Variants in PCDHA10 observed in about 807,000 individuals in gnomAD.
PCDHA10 encodes the protein protocadherin alpha 10, also known as protocadherin alpha-10.
PCDHA10 carries 45 observed loss-of-function variants against 61.2 expected under a neutral mutation model. The ratio of observed to expected loss-of-function variants is 0.74; its 90% CI spans 0.58 to 0.94. The LOEUF (loss-of-function observed/expected upper bound fraction) is 0.94, where lower values mean the gene tolerates loss of function less well. Ranked by LOEUF, PCDHA10 falls within the 40% of genes least tolerant of loss-of-function variation. The pLI is 0.00. For synonymous variants in PCDHA10, 602 were observed against 548.8 expected, an observed-to-expected ratio of 1.10 and a Z score of -1.35; for missense variants, 1,278 against 1,236.2, an observed-to-expected ratio of 1.03 and a Z score of -0.51.
intron 3 of PCDHA10, among the ~76,000 whole-genome samples, chr5:140,993,009 G>C (rs1228975075): frequency 3.9e-5 from 6 of 152,172 alleles, no homozygotes; most frequent in Non-Finnish European, 8.8e-5. Flanking sequence ...CCTCCCCAGA[G>C]TCCAGCATCC....
chr5:140,970,752 T>A (rs1324041619), intron 1 of PCDHA10, among the ~76,000 whole-genome samples: 1 of 152,244 alleles, frequency 6.6e-6, no homozygotes, highest in Non-Finnish European at 1.5e-5. Context: ...CAATATATTT[T>A]CATTGACATA....
At chr5:140,887,039 T>G (rs1396033565) in intron 1 of PCDHA10, among the ~76,000 whole-genome samples, 2 of 152,156 alleles carry the variant, frequency 1.3e-5, no homozygotes, top group African/African-American at 4.8e-5. Flanking sequence ...TTAATATTTT[T>G]TATAGTGCAT....
At chr5:140,908,578 GTAGT>G (rs1554193408) in intron 1 of PCDHA10, among the ~76,000 whole-genome samples, 1 of 152,196 alleles carries the variant, frequency 6.6e-6, no homozygotes, top group African/African-American at 2.4e-5. Flanking sequence ...CAAAAGGAGA[GTAGT>G]TAGCTGCAGA....
At chr5:140,936,987 T>C (rs996790487) in intron 1 of PCDHA10, among the ~76,000 whole-genome samples, 1 of 152,170 alleles carries the variant, frequency 6.6e-6, no homozygotes, top group Non-Finnish European at 1.5e-5. Context: ...CTTGTTAACA[T>C]TGACAATATT....
At chr5:140,982,202 G>A (rs2096970508) in intron 2 of PCDHA10, 2 of 405,606 alleles carry the variant, frequency 4.9e-6, no homozygotes, top group Non-Finnish European at 8.1e-6. Context: ...GTTAGATTTA[G>A]TGAGCGCCAC....
chr5:140,917,439 G>T (rs1437451173), intron 1 of PCDHA10, among the ~76,000 whole-genome samples: 1 of 151,364 alleles, frequency 6.6e-6, no homozygotes, highest in Non-Finnish European at 1.5e-5. Flanking sequence ...TTTTGTTTTT[G>T]CTGCAAGAGC....
At chr5:140,925,420 G>C (rs1332055982) in intron 1 of PCDHA10, among the ~76,000 whole-genome samples, 2 of 152,102 alleles carry the variant, frequency 1.3e-5, no homozygotes, top group Non-Finnish European at 2.9e-5. Flanking sequence ...AAAGGAACTG[G>C]TTGTAGGGTG....
At chr5:140,878,837 A>G (rs6885420) in intron 1 of PCDHA10, among the ~76,000 whole-genome samples, 4 of 152,334 alleles carry the variant, frequency 2.6e-5, no homozygotes, top group Admixed American at 2.6e-4. Context: ...AGGCTGGACT[A>G]GAACTTCTGG....
At position 140,857,030 on chromosome 5, in the gene PCDHA10, C is replaced by T. The variant is rs370499942; in HGVS notation, c.982C>T (p.Pro328Ser). The T allele has an allele frequency of 4.7e-5, 75 of 1,596,300 alleles. 6 individuals carry two copies. Among genetic ancestry groups the T allele is most frequent in the Non-Finnish European group, 6.0e-5 (70 of 1,166,132 alleles). Reference protein sequence around the residue: ...HVDVTDKGNPPMVGHCTVLVE... With the variant: ...HVDVTDKGNPSMVGHCTVLVE... ...AGATGTTACAGATAAGGGAAACCCA[C>T]CTATGGTTGGTCACTGCACGGTCCT... The change falls in exon 1 of 4, where the codon CCT becomes TCT. Residue 328 changes from proline (P) to serine (S), a missense_variant. Transcript: ENST00000307360.
intron 3 of PCDHA10, among the ~76,000 whole-genome samples, chr5:141,006,466 G>T (rs2153987717): frequency 6.6e-6 from 1 of 152,178 alleles, no homozygotes; most frequent in South Asian, 2.1e-4. Context: ...GCCTGTCTCG[G>T]CCTCCCAAAG....
chr5:140,926,954 A>T, intron 1 of PCDHA10: 1 of 1,597,602 alleles, frequency 6.3e-7, no homozygotes, highest in Non-Finnish European at 8.6e-7. Flanking sequence ...GCAGCGGGAC[A>T]GCTCGAGTAC....
chr5:140,954,737 T>C (rs1208625491), intron 1 of PCDHA10, among the ~76,000 whole-genome samples: 38 of 152,210 alleles, frequency 2.5e-4, no homozygotes, highest in Non-Finnish European at 1.5e-5. Flanking sequence ...TTCACTCTGA[T>C]GATAGTTTCT....
intron 1 of PCDHA10, chr5:140,876,308 A>G: frequency 6.2e-7 from 1 of 1,614,070 alleles, no homozygotes; most frequent in Non-Finnish European, 8.5e-7. Flanking sequence ...GAAATTTCCT[A>G]TGGGATCAAA....
At chr5:140,864,105 T>G (rs1413292385) in intron 1 of PCDHA10, 1 of 152,314 alleles carries the variant, frequency 6.6e-6, no homozygotes, top group Non-Finnish European at 1.5e-5. Flanking sequence ...ATAATGATAA[T>G]AGTAATAATG....
At chr5:140,987,050 C>G (rs781947211) in intron 3 of PCDHA10, among the ~76,000 whole-genome samples, 34 of 151,840 alleles carry the variant, frequency 2.2e-4, no homozygotes, top group Non-Finnish European at 2.5e-4. Context: ...CCCATCTCTA[C>G]TAAAGTTACA....
rs150829264 is a variant in PCDHA10 at position 140,948,791 on chromosome 5, A to G, written c.2389-30158A>G. 2.3e-3 allele frequency among the ~76,000 whole-genome samples: 342 copies of G among 151,342 alleles called. 1 individual carries two copies. Among genetic ancestry groups the G allele is most frequent in the Non-Finnish European group, 4.4e-3 (295 of 67,454 alleles). ...ATAGCCAGCTTTTGGCTTTGTTGAT[A>G]TATTTTCTATTGTTTGGTTTCTATT... On this transcript the variant is annotated intron_variant, in intron 1 of 3. Coordinates refer to ENST00000307360, the MANE Select transcript of PCDHA10 (RefSeq NM_018901.4).
At chr5:140,924,987 TC>T (rs1458982480) in intron 1 of PCDHA10, among the ~76,000 whole-genome samples, 4 of 151,232 alleles carry the variant, frequency 2.6e-5, no homozygotes, top group Admixed American at 6.6e-5. Context: ...ATGTCTGTAA[TC>T]CTAGCACTTT....
chr5:140,941,492 T>G (rs1446870882), intron 1 of PCDHA10, among the ~76,000 whole-genome samples: 18 of 151,592 alleles, frequency 1.2e-4, no homozygotes, highest in Admixed American at 1.2e-3. Flanking sequence ...ATTTTTTGTA[T>G]TTTTAGTAGA....
intron 1 of PCDHA10, chr5:140,929,169 T>C: frequency 6.2e-7 from 1 of 1,614,188 alleles, no homozygotes; most frequent in Non-Finnish European, 8.5e-7. Flanking sequence ...ATCGGGCCTC[T>C]CTGGGACTTG....
Sources: gnomAD v4.1 joint callset for allele counts (sites outside exome capture counted in the v4.1 genomes callset) on GRCh38, gnomAD v4.1.1 for gene constraint, MANE v1.5 for transcripts, NCBI Gene and HGNC (gene_info 2026-07-23, HGNC 2026-07-21) for gene names.